Variants in INF2 observed in about 807,000 individuals in gnomAD.
INF2 encodes the protein inverted formin 2.
In INF2, 43 loss-of-function variants were observed where a neutral mutation model predicts 123.5. That is an observed-to-expected ratio of 0.35 (90% CI 0.27 to 0.45). The LOEUF is 0.45. Ranked by LOEUF, INF2 falls within the 20% of genes least tolerant of loss-of-function variation. The probability of loss-of-function intolerance (pLI) is 1.00; values close to 1 mark genes in which losing one functional copy is unlikely to be tolerated. For missense variants in INF2, 1,453 were observed against 1,682.7 expected, an observed-to-expected ratio of 0.86 and a Z score of 2.39; for synonymous variants, 851 against 745.0, an observed-to-expected ratio of 1.14 and a Z score of -2.32.
chr14:104,708,369 C>T lies in INF2; in HGVS notation c.1736-67C>T, dbSNP rs191443712. 2,239 of 1,580,708 alleles carry T rather than the reference C, an allele frequency of 1.4e-3. 7 individuals are homozygous for T. The highest frequency in any genetic ancestry group is 1.5e-3 in the Non-Finnish European group (1,724 of 1,158,676). On this transcript the variant is annotated intron_variant, in intron 8 of 22. Transcript: ENST00000392634. ...TTTAGACCCTCTGGGAGGCTCCAGCCCCTGCCTGCTGGATCGCCAGGCCCC... is the reference window on the plus strand; with the variant it reads ...TTTAGACCCTCTGGGAGGCTCCAGCTCCTGCCTGCTGGATCGCCAGGCCCC...
At chr14:104,704,252 C>T in intron 5 of INF2, 1 of 1,191,588 alleles carries the variant, frequency 8.4e-7, no homozygotes, top group Non-Finnish European at 1.1e-6. Context: ...TGAACCAACC[C>T]AGAAACAGAA....
At position 104,707,777 on chromosome 14, in the gene INF2, C is replaced by A; in HGVS notation, c.1510C>A (p.Pro504Thr). 1 of 1,380,394 alleles carries A rather than the reference C, an allele frequency of 7.2e-7. No homozygotes were observed. The highest frequency in any genetic ancestry group is 1.0e-6 in the Non-Finnish European group (1 of 1,001,082). 85.5% of individuals were successfully genotyped at this position (1,380,394 alleles called of 1,614,324 possible). Residue 504 changes from proline to threonine, a missense_variant, in exon 8 of 23, where the codon CCA becomes ACA. Coordinates refer to ENST00000392634, the MANE Select transcript of INF2 (RefSeq NM_022489.4). Reference protein sequence around the residue: ...LPGLGCPPPPPPLLPGMGWGP... With the variant: ...LPGLGCPPPPTPLLPGMGWGP... Reference sequence around the variant, plus strand: ...GGGCTTGGGATGCCCGCCCCCACCCCCACCCCTGCTGCCTGGTATGGGCTG... The same window carrying A: ...GGGCTTGGGATGCCCGCCCCCACCCACACCCCTGCTGCCTGGTATGGGCTG...
In INF2 at chr14:104,707,965, G is replaced by A. The variant is rs1333353943; in HGVS notation, c.1698G>A (p.Lys566=). Residue 566 remains lysine (K), a synonymous_variant, in exon 8 of 23, where the codon AAG becomes AAA. Coordinates refer to ENST00000392634, the MANE Select transcript of INF2 (RefSeq NM_022489.4). The part of the protein sequence containing the change: ...RVNPPTLRMK[K]LNWQKLPSNV... ...ACCCACCCACACTGCGCATGAAGAA[G>A]CTGAACTGGCAGAAGCTGCCATCCA... 1 of 1,598,372 alleles carries A rather than the reference G, an allele frequency of 6.3e-7. No homozygotes were observed. Among genetic ancestry groups the A allele is most frequent in the African/African-American group, 1.3e-5 (1 of 74,912 alleles).
At chr14:104,685,640 A>G (rs1595146324), upstream of INF2, among the ~76,000 whole-genome samples, 13 of 117,540 alleles carry the variant, frequency 1.1e-4, no homozygotes, top group Admixed American at 1.8e-4. Context: ...AGGTGGGGGG[A>G]TGGGTGGATG....
upstream of INF2, chr14:104,689,555 TG>T: frequency 2.3e-6 from 2 of 858,586 alleles, no homozygotes; most frequent in Non-Finnish European, 1.4e-6. Context: ...GCTCCCCACG[TG>T]GCCGCTGACG....
At position 104,703,520 on chromosome 14, in the gene INF2, C is replaced by T. The variant is rs919418085; in HGVS notation, c.667+66C>T. On this transcript the variant is annotated intron_variant, in intron 4 of 22. Coordinates refer to ENST00000392634, the MANE Select transcript of INF2 (RefSeq NM_022489.4). The stretch of plus-strand genomic sequence containing the variant: ...CTCTTGGCCAGTGCATCCCATGCTG[C>T]ATCCACCTGGGGAGGTGGGAGCGCC... 9.5e-6 allele frequency: 15 copies of T among 1,586,030 alleles called. No individual in the cohort carries two copies. In the African/African-American group the frequency reaches 2.0e-4, roughly 21 times the overall value.
chr14:104,693,611 C>T (rs1023106677), intron 1 of INF2, among the ~76,000 whole-genome samples: 5 of 152,240 alleles, frequency 3.3e-5, no homozygotes, highest in East Asian at 1.9e-4. Context: ...CCCAGCCCCT[C>T]GCTCTGCCCA....
chr14:104,686,099 G>T (rs780447715), upstream of INF2, among the ~76,000 whole-genome samples: 1 of 150,820 alleles, frequency 6.6e-6, no homozygotes, highest in Non-Finnish European at 1.5e-5. Flanking sequence ...GTGGGTAGGT[G>T]GTTAGATGGG....
chr14:104,702,226 C>T (rs1297459144), intron 2 of INF2, among the ~76,000 whole-genome samples: 2 of 152,166 alleles, frequency 1.3e-5, no homozygotes, highest in African/African-American at 4.8e-5. Flanking sequence ...TGGTGTCACC[C>T]TCCACCTCCC....
exon 1 of INF2, chr14:104,681,402 C>T (rs909143017): frequency 1.5e-5 from 7 of 474,888 alleles, no homozygotes; most frequent in African/African-American, 2.0e-5. Context: ...ACCTTGGACA[C>T]GGAGCTGGTT....
intron 15 of INF2, 96 bp from the exon 16 acceptor site, chr14:104,711,533 A>T: frequency 9.0e-7 from 1 of 1,111,188 alleles, no homozygotes; most frequent in South Asian, 1.3e-5. Context: ...TCTGGACCTT[A>T]ATTGCTAAGG....
In INF2 at chr14:104,714,773, C is replaced by G. The variant is rs376222605; in HGVS notation, c.3611C>G (p.Ser1204Trp). The G allele has an allele frequency of 1.2e-6, 2 of 1,600,040 alleles. No homozygotes were observed. The highest frequency in any genetic ancestry group is 1.7e-4 in the Middle Eastern group (1 of 5,982). Residue 1204 changes from serine to tryptophan, a missense_variant, in exon 21 of 23, where the codon TCG (serine) becomes TGG (tryptophan). Transcript: ENST00000392634. ...GATGCGGTGACCGACTCCTCGGGGT[C>G]GGGCACACTCCCCAGGGCCCGGGGC... The part of the protein sequence containing the change: ...SEDAVTDSSG[S>W]GTLPRARGRA...
intron 1 of INF2, among the ~76,000 whole-genome samples, chr14:104,695,057 G>C (rs1405577007): frequency 6.6e-6 from 1 of 152,162 alleles, no homozygotes; most frequent in Admixed American, 6.5e-5. Context: ...TCTGGTCCGG[G>C]GGGAGGAAAC....
Position 104,684,208 on chromosome 14 carries a change from C to G in INF2, c.-104+2626C>G. 2.2e-6 allele frequency: 1 copy of G among 447,580 alleles called. No individual in the cohort carries two copies. The highest frequency in any genetic ancestry group is 2.4e-5 in the Admixed American group (1 of 42,080). The allele number at this position is 447,580 out of a possible 1,614,324, so 27.7% of individuals were successfully genotyped here. The stretch of plus-strand genomic sequence containing the variant: ...TCCCATCTGGACTCCCACCAGACAA[C>G]TGAGGCAACCGAGAAGGAGGCTGGG... On this transcript the variant is annotated intron_variant, in intron 1 of 2. Transcript: ENST00000674723. This position sits in a 1 kb window ranked among gnomAD's most constrained non-coding sequence, Gnocchi z 5.0.
chr14:104,712,890 G>A lies in INF2; in HGVS notation c.2673G>A (p.Arg891=), dbSNP rs938468023. ...ELFEAIEQKQ[R]ELADYLCEDA... is the part of the protein sequence containing the mutation. The stretch of plus-strand genomic sequence containing the variant: ...TTGAGGCCATCGAGCAGAAGCAACG[G>A]GAGCTGGCCGACTACCTGTGTGAGG... Residue 891 remains arginine (R), a synonymous_variant, in exon 18 of 23, where the codon CGG becomes CGA. Coordinates refer to ENST00000392634, the MANE Select transcript of INF2 (RefSeq NM_022489.4). 7 of 1,612,560 alleles carry A rather than the reference G, an allele frequency of 4.3e-6. No individual in the cohort carries two copies. In the Admixed American group the frequency reaches 5.0e-5, roughly 12 times the overall value.
chr14:104,700,828 C>T (rs1162151414), intron 1 of INF2: 2 of 985,148 alleles, frequency 2.0e-6, no homozygotes, highest in Admixed American at 6.2e-5. Context: ...TCCCCAGCCA[C>T]GCTGCTGACG....
intron 2 of INF2, among the ~76,000 whole-genome samples, chr14:104,702,201 G>A (rs557411153): frequency 6.6e-6 from 1 of 152,078 alleles, no homozygotes; most frequent in South Asian, 2.1e-4. Flanking sequence ...TTGAGGTCTG[G>A]CCCACACCTA....
intron 2 of INF2, among the ~76,000 whole-genome samples, chr14:104,702,610 C>G (rs1019361997): frequency 6.6e-6 from 1 of 152,184 alleles, no homozygotes; most frequent in Admixed American, 6.5e-5. Flanking sequence ...TCGTTTCTGT[C>G]GGACCCAGGG....
At position 104,682,521 on chromosome 14, in the gene INF2, G is replaced by A. The variant is rs570647925; in HGVS notation, c.-104+939G>A. Among the ~76,000 whole-genome samples, 14 of 152,304 alleles carry A rather than the reference G, an allele frequency of 9.2e-5. No individual in the cohort carries two copies. In the East Asian group the frequency reaches 2.3e-3, roughly 25 times the overall value. ...CGGCAGGGAGCAGGGACAGCCATCC[G>A]GCCTTTGGGATGGGCAGCACCCCTG... On this transcript the variant is annotated intron_variant, in intron 1 of 2. Transcript: ENST00000674723.
Sources: allele counts gnomAD v4.1 joint callset (sites outside exome capture counted in the v4.1 genomes callset), GRCh38; gene constraint gnomAD v4.1.1; non-coding constraint Gnocchi (gnomAD v3.1); transcripts MANE v1.5; gene names NCBI Gene and HGNC (gene_info 2026-07-23, HGNC 2026-07-21).